The following TMTC2 variants were observed in gnomAD, a reference collection of about 807,000 sequenced individuals.
TMTC2 encodes transmembrane O-mannosyltransferase targeting cadherins 2, also known as protein O-mannosyl-transferase TMTC2.
Under a neutral mutation model 82.4 loss-of-function variants are expected in TMTC2, and 43 were observed. That is an observed-to-expected ratio of 0.52 (90% CI 0.41 to 0.67). The LOEUF is 0.67. Among genes scored for constraint, TMTC2 ranks in the 30% least tolerant of loss-of-function variants. TMTC2 has a pLI of 0.00. For synonymous variants in TMTC2, 408 were observed against 381.9 expected (o/e 1.07, Z -0.80); for missense variants, 919 against 1,012.4 (o/e 0.91, Z 1.25).
At chr12:83,046,549 G>A (rs1390924633) in intron 9 of TMTC2, among the ~76,000 whole-genome samples, 1 of 152,116 alleles carries the variant, frequency 6.6e-6, no homozygotes, top group Non-Finnish European at 1.5e-5. Flanking sequence ...TCTCCAAAGT[G>A]CCTGCCGTAA....
intron 4 of TMTC2, among the ~76,000 whole-genome samples, chr12:82,934,113 A>G (rs1796180): frequency 0.087 from 13,219 of 152,236 alleles, 738 homozygotes; most frequent in African/African-American, 0.14. Context: ...TCTATAACAC[A>G]AGGAAGCTGA....
chr12:82,729,939 T>C (rs1027371600), intron 1 of TMTC2, among the ~76,000 whole-genome samples: 7 of 151,844 alleles, frequency 4.6e-5, no homozygotes, highest in African/African-American at 1.7e-4. Context: ...CCAGATGCGC[T>C]GCTTAAAGAG....
intron 9 of TMTC2, among the ~76,000 whole-genome samples, chr12:83,038,581 A>G (rs10778934): frequency 0.8 from 122,358 of 152,060 alleles, 49,356 homozygotes; most frequent in East Asian, 0.9. Context: ...GCTCAATCAA[A>G]TGGGATTATT....
chr12:83,006,309 C>A (rs758547964), intron 8 of TMTC2, among the ~76,000 whole-genome samples: 4 of 152,180 alleles, frequency 2.6e-5, no homozygotes, highest in Non-Finnish European at 5.9e-5. Context: ...TGTTGATTTG[C>A]TCCATATTTT....
chr12:83,021,352 C>T (rs929480193), intron 8 of TMTC2, among the ~76,000 whole-genome samples: 5 of 152,138 alleles, frequency 3.3e-5, no homozygotes, highest in African/African-American at 1.2e-4. Context: ...TAGGCACCTT[C>T]CTATCAACAC....
chr12:83,106,794 A>C (rs1884418474), intron 11 of TMTC2, among the ~76,000 whole-genome samples: 1 of 152,238 alleles, frequency 6.6e-6, no homozygotes. Context: ...GTTTAAGATT[A>C]TCTTTCAAAA....
intron 1 of TMTC2, among the ~76,000 whole-genome samples, chr12:82,840,716 AT>A (rs2137088908): frequency 6.6e-6 from 1 of 152,314 alleles, no homozygotes; most frequent in South Asian, 2.1e-4. Context: ...AAGTATATGA[AT>A]TTGGGGTCAG....
At position 82,696,963 on chromosome 12, in the gene TMTC2, C is replaced by CATATATATATAT. The variant is rs1491534159; in HGVS notation, c.83+9294_83+9295insATATATATATAT. ...AGCTCTCTTTCTACATACATACATA[C>CATATATATATAT]GTATATATATATATATATATGTTTC... is the stretch of plus-strand genomic sequence containing the variant. On this transcript the variant is annotated intron_variant, in intron 1 of 11. Coordinates refer to ENST00000321196, the MANE Select transcript of TMTC2 (RefSeq NM_152588.3). 1.2e-4 allele frequency among the ~76,000 whole-genome samples: 14 copies of CATATATATATAT among 121,418 alleles called. No homozygotes were observed. In the East Asian group the frequency reaches 1.3e-3, roughly 11 times the overall value. 79.7% of individuals were successfully genotyped at this position (121,418 alleles called of 152,430 possible). A position where few individuals can be genotyped will look rare whatever the true frequency, so the allele number is the denominator to read the frequency against.
At chr12:82,772,150 A>C (rs1479109716) in intron 1 of TMTC2, among the ~76,000 whole-genome samples, 3 of 152,184 alleles carry the variant, frequency 2.0e-5, no homozygotes, top group East Asian at 3.9e-4. Flanking sequence ...TTGGGAGAAA[A>C]ATGGGCTAGA....
In TMTC2 at chr12:82,741,333, C is replaced by T. The variant is rs185649609; in HGVS notation, c.83+53664C>T. ...TCGGAGCTTTTTAGCTTTTTTTAGACGGAATCTTGCTCTGTTGCCCAGGCT... is the reference window on the plus strand; with the variant it reads ...TCGGAGCTTTTTAGCTTTTTTTAGATGGAATCTTGCTCTGTTGCCCAGGCT... On this transcript the variant is annotated intron_variant, in intron 1 of 11. Coordinates refer to ENST00000321196, the MANE Select transcript of TMTC2 (RefSeq NM_152588.3). 2.4e-4 allele frequency among the ~76,000 whole-genome samples: 36 copies of T among 152,118 alleles called. 1 individual carries two copies. The East Asian group carries it at 5.6e-3, about 24-fold the overall frequency.
At chr12:82,999,853 C>G (rs1346705820) in intron 8 of TMTC2, among the ~76,000 whole-genome samples, 3 of 152,142 alleles carry the variant, frequency 2.0e-5, no homozygotes, top group African/African-American at 7.2e-5. Flanking sequence ...CTGAACCCTC[C>G]CAAATCTCAT....
chr12:82,999,407 A>G (rs1426104056), intron 8 of TMTC2, among the ~76,000 whole-genome samples: 1 of 152,218 alleles, frequency 6.6e-6, no homozygotes, highest in East Asian at 1.9e-4. Flanking sequence ...AAACTTGATA[A>G]CATGGCTTGA....
chr12:82,701,326 C>T (rs1283920679), intron 1 of TMTC2, among the ~76,000 whole-genome samples: 2 of 152,088 alleles, frequency 1.3e-5, no homozygotes, highest in African/African-American at 4.8e-5. Context: ...GTTTGTTTTA[C>T]AGTAAGCAGC....
In TMTC2 at chr12:82,876,232, G is replaced by A. The variant is rs1423628217; in HGVS notation, c.654+18652G>A. 2.0e-5 allele frequency among the ~76,000 whole-genome samples: 3 copies of A among 149,820 alleles called. No homozygotes were observed. In the East Asian group the frequency reaches 5.8e-4, roughly 29 times the overall value. On this transcript the variant is annotated intron_variant, in intron 2 of 11. Transcript: ENST00000321196. ...CCTTCCAGGTGGATATGAAGTGATTGACTTTGGCAGGTGGTAGTGATGTTG... is the reference window on the plus strand; with the variant it reads ...CCTTCCAGGTGGATATGAAGTGATTAACTTTGGCAGGTGGTAGTGATGTTG...
intron 1 of TMTC2, among the ~76,000 whole-genome samples, chr12:82,849,566 G>T (rs1475179794): frequency 6.6e-6 from 1 of 152,126 alleles, no homozygotes; most frequent in Non-Finnish European, 1.5e-5. Context: ...ATGGAAGAAT[G>T]ATGATATTCA....
intron 11 of TMTC2, among the ~76,000 whole-genome samples, chr12:83,072,922 G>C (rs1169873801): frequency 6.6e-6 from 1 of 152,150 alleles, no homozygotes; most frequent in Non-Finnish European, 1.5e-5. Flanking sequence ...GCAGCAGATG[G>C]TTGGTGAGTT....
At chr12:82,709,556 C>T (rs1873529500) in intron 1 of TMTC2, among the ~76,000 whole-genome samples, 1 of 152,118 alleles carries the variant, frequency 6.6e-6, no homozygotes, top group South Asian at 2.1e-4. Flanking sequence ...AAAACCTGCT[C>T]ATTTGATTTT....
chr12:83,123,812 A>G (rs980270128), intron 11 of TMTC2, among the ~76,000 whole-genome samples: 1 of 152,210 alleles, frequency 6.6e-6, no homozygotes, highest in African/African-American at 2.4e-5. Flanking sequence ...TTCATGTCAT[A>G]TTCTCATTCT....
chr12:83,072,352 T>C (rs1416810103), intron 11 of TMTC2, among the ~76,000 whole-genome samples: 3 of 152,194 alleles, frequency 2.0e-5, no homozygotes, highest in Non-Finnish European at 4.4e-5. Context: ...TTTATTCCAC[T>C]ATGGTATGAG....
Sources: allele counts gnomAD v4.1 joint callset (sites outside exome capture counted in the v4.1 genomes callset), GRCh38; gene constraint gnomAD v4.1.1; transcripts MANE v1.5; gene names NCBI Gene and HGNC (gene_info 2026-07-23, HGNC 2026-07-21).